Variants in PKP1 observed in about 807,000 individuals in gnomAD.
PKP1 encodes plakophilin 1.
Under a neutral mutation model 76.4 loss-of-function variants are expected in PKP1, and 27 were observed. That is an observed-to-expected ratio of 0.35 (90% CI 0.26 to 0.49). PKP1 has a LOEUF of 0.49. PKP1 is among the 20% of genes least tolerant of loss of function. The pLI is 0.99. For synonymous variants in PKP1, 404 were observed against 384.2 expected, an observed-to-expected ratio of 1.05 and a Z score of -0.60; for missense variants, 964 against 955.2, an observed-to-expected ratio of 1.01 and a Z score of -0.12.
At chr1:201,286,710 C>A (rs962589149) in intron 1 of PKP1, among the ~76,000 whole-genome samples, 2 of 152,188 alleles carry the variant, frequency 1.3e-5, no homozygotes, top group African/African-American at 4.8e-5. Context: ...TGAACTGCCC[C>A]TGAAGTATTG....
At chr1:201,297,029 G>T (rs1044132982) in intron 2 of PKP1, among the ~76,000 whole-genome samples, 3 of 152,098 alleles carry the variant, frequency 2.0e-5, no homozygotes, top group Admixed American at 6.5e-5. Context: ...TATTTAAAAA[G>T]CAATGGTCGT....
At chr1:201,312,096 G>T (rs1656574027) in intron 2 of PKP1, among the ~76,000 whole-genome samples, 2 of 152,172 alleles carry the variant, frequency 1.3e-5, no homozygotes, top group Admixed American at 1.3e-4. Context: ...GGCCCTCCCT[G>T]TACCCCACCT....
chr1:201,312,785 C>T (rs1656599425), intron 2 of PKP1, among the ~76,000 whole-genome samples: 1 of 152,228 alleles, frequency 6.6e-6, no homozygotes, highest in Non-Finnish European at 1.5e-5. Context: ...CATCCTCCCT[C>T]TTATGACACC....
rs558536446 is a variant in PKP1, at chr1:201,323,955, T to G, written c.1681-473T>G. Among the ~76,000 whole-genome samples, 6 of 152,160 alleles carry G rather than the reference T, an allele frequency of 3.9e-5. No homozygotes were observed. In the South Asian group the frequency reaches 1.2e-3, roughly 32 times the overall value. On this transcript the variant is annotated intron_variant, in intron 9 of 13. Coordinates refer to ENST00000367324, the MANE Select transcript of PKP1 (RefSeq NM_001005337.3). ...GGCCCAGACCCTTTCTTAGCCCTCT[T>G]TTCTCAGGCAAGCCCTCAACAAATA...
intron 1 of PKP1, among the ~76,000 whole-genome samples, chr1:201,288,333 G>A (rs1203634651): frequency 6.6e-6 from 1 of 152,258 alleles, no homozygotes; most frequent in Non-Finnish European, 1.5e-5. Context: ...GCCACTCATC[G>A]TGTCTCTCTC....
At chr1:201,293,026 A>G (rs1359777616) in intron 1 of PKP1, among the ~76,000 whole-genome samples, 2 of 152,352 alleles carry the variant, frequency 1.3e-5, no homozygotes, top group East Asian at 1.9e-4. Context: ...CTTGGCTTCA[A>G]AAGATGAGCA....
intron 1 of PKP1, among the ~76,000 whole-genome samples, chr1:201,292,005 G>C (rs945859152): frequency 6.6e-6 from 1 of 152,234 alleles, no homozygotes; most frequent in Admixed American, 6.5e-5. Flanking sequence ...AGGGAGCTTG[G>C]AGGAAGCCAG....
chr1:201,310,800 G>A (rs1487294531), intron 2 of PKP1, among the ~76,000 whole-genome samples: 2 of 152,204 alleles, frequency 1.3e-5, no homozygotes, highest in Admixed American at 1.3e-4. Flanking sequence ...TGTGGCTGAT[G>A]GTGGTAGGCT....
At chr1:201,324,398 CT>C (rs756001812) in intron 9 of PKP1, 29 bp from the exon 10 acceptor site, 40 of 1,613,550 alleles carry the variant, frequency 2.5e-5, no homozygotes, top group Non-Finnish European at 3.4e-5. Flanking sequence ...AAGCCACAGG[CT>C]AGCTCATCAT....
At chr1:201,288,079 G>A (rs906521650) in intron 1 of PKP1, among the ~76,000 whole-genome samples, 4 of 152,120 alleles carry the variant, frequency 2.6e-5, no homozygotes, top group African/African-American at 7.2e-5. Context: ...GTGTGTACAT[G>A]TGTGTCCTTG....
intron 5 of PKP1, 123 bp downstream of exon 5, chr1:201,317,902 C>A: frequency 3.2e-6 from 3 of 952,204 alleles, no homozygotes; most frequent in Non-Finnish European, 4.9e-6. Flanking sequence ...GCAGATTTGG[C>A]CCAGGGCTAA....
intron 2 of PKP1, among the ~76,000 whole-genome samples, chr1:201,312,597 A>G (rs1656589775): frequency 6.6e-6 from 1 of 152,214 alleles, no homozygotes; most frequent in East Asian, 1.9e-4. Context: ...ACGTAAAGAA[A>G]CACTGCACCA....
chr1:201,300,846 G>A (rs1265979782), intron 2 of PKP1, among the ~76,000 whole-genome samples: 1 of 152,212 alleles, frequency 6.6e-6, no homozygotes, highest in Non-Finnish European at 1.5e-5. Flanking sequence ...TCCTGGAGGA[G>A]CTGAGCTTTG....
intron 3 of PKP1, among the ~76,000 whole-genome samples, chr1:201,314,917 G>A (rs1360207425): frequency 1.3e-5 from 2 of 152,246 alleles, no homozygotes; most frequent in Non-Finnish European, 2.9e-5. Flanking sequence ...AGGCAGGCAT[G>A]AGTATTCCTG....
chr1:201,317,922 A>G, intron 5 of PKP1, 143 bp downstream of exon 5: 2 of 831,284 alleles, frequency 2.4e-6, no homozygotes, highest in Non-Finnish European at 4.0e-6. Flanking sequence ...ATATCCTGAG[A>G]GTTTAGTGAC....
chr1:201,299,007 C>T (rs1021110638), intron 2 of PKP1, among the ~76,000 whole-genome samples: 2 of 152,238 alleles, frequency 1.3e-5, no homozygotes, highest in African/African-American at 4.8e-5. Flanking sequence ...GGTTCACCCT[C>T]AGTCACAGCC....
At position 201,317,758 on chromosome 1, in the gene PKP1, G is replaced by A. The variant is rs776387347; in HGVS notation, c.1033G>A (p.Glu345Lys). 14 of 1,613,638 alleles carry A rather than the reference G, an allele frequency of 8.7e-6. No individual in the cohort carries two copies. The highest frequency in any genetic ancestry group is 4.5e-5 in the East Asian group (2 of 44,822). ...CCTCCTGAGGAGAACCGGGAACGCCGAGATCCAGAAGCAGCTGACTGGTAG... is the reference window on the plus strand; with the variant it reads ...CCTCCTGAGGAGAACCGGGAACGCCAAGATCCAGAAGCAGCTGACTGGTAG... ...VSLLRRTGNA[E>K]IQKQLTGLLW... Residue 345 changes from glutamate to lysine, a missense_variant, in exon 5 of 14, where the codon GAG (glutamate) becomes AAG (lysine). Glu to Lys is a moderately conservative substitution (Grantham distance 56, BLOSUM62 1). Coordinates refer to ENST00000367324, the MANE Select transcript of PKP1 (RefSeq NM_001005337.3).
intron 2 of PKP1, among the ~76,000 whole-genome samples, chr1:201,307,955 C>T (rs1468738924): frequency 1.3e-5 from 2 of 152,122 alleles, no homozygotes; most frequent in Admixed American, 1.3e-4. Flanking sequence ...GGGTGTGTCT[C>T]GCTGGAGAAC....
intron 1 of PKP1, among the ~76,000 whole-genome samples, chr1:201,293,315 C>A (rs558100852): frequency 6.6e-6 from 1 of 152,182 alleles, no homozygotes; most frequent in Non-Finnish European, 1.5e-5. Context: ...TGTCCTCCTG[C>A]GGAGCCTGTC....
Sources: allele counts gnomAD v4.1 joint callset (sites outside exome capture counted in the v4.1 genomes callset), GRCh38; gene constraint gnomAD v4.1.1; transcripts MANE v1.5; gene names NCBI Gene and HGNC (gene_info 2026-07-23, HGNC 2026-07-21).